NOX4: variants seen among roughly 807,000 people sequenced by gnomAD.
The protein encoded by NOX4 is NADPH oxidase 4, also known as kidney oxidase-1.
A neutral mutation model predicts 87.6 loss-of-function variants in NOX4; 69 were observed. That is an observed-to-expected ratio of 0.79 (90% CI 0.65 to 0.96). The LOEUF (loss-of-function observed/expected upper bound fraction) is 0.96. Among genes scored for constraint, NOX4 ranks in the 40% least tolerant of loss-of-function variants. NOX4 has a pLI of 0.00. For synonymous variants in NOX4, 275 were observed against 238.2 expected, an observed-to-expected ratio of 1.15 and a Z score of -1.42; for missense variants, 680 against 681.5, an observed-to-expected ratio of 1.00 and a Z score of 0.02.
At chr11:89,338,260 G>A (rs1230991545) in intron 15 of NOX4, among the ~76,000 whole-genome samples, 4 of 151,992 alleles carry the variant, frequency 2.6e-5, no homozygotes, top group African/African-American at 7.2e-5. Context: ...TTTTGCTTTC[G>A]TGTCTGGCAT....
At chr11:89,362,770 C>A (rs1256267882) in intron 12 of NOX4, among the ~76,000 whole-genome samples, 1 of 151,918 alleles carries the variant, frequency 6.6e-6, no homozygotes. Context: ...ATCCCCTCCT[C>A]CACCTACCAA....
chr11:89,435,271 AG>A (rs1246823052), intron 6 of NOX4, among the ~76,000 whole-genome samples: 1 of 152,082 alleles, frequency 6.6e-6, no homozygotes, highest in East Asian at 1.9e-4. Context: ...TTATAGTTAG[AG>A]GGGCCTTTCC....
At chr11:89,464,105 C>T (rs1225281332) in intron 2 of NOX4, among the ~76,000 whole-genome samples, 1 of 151,966 alleles carries the variant, frequency 6.6e-6, no homozygotes, top group Non-Finnish European at 1.5e-5. Context: ...AGATTCAATG[C>T]TTTAAAGAAA....
intron 7 of NOX4, among the ~76,000 whole-genome samples, chr11:89,427,109 C>T (rs1943463827): frequency 6.6e-6 from 1 of 152,164 alleles, no homozygotes. Flanking sequence ...CCCAGGCAAA[C>T]AGCATCTGGA....
chr11:89,451,696 G>A, intron 3 of NOX4, 89 bp downstream of exon 3: 6 of 866,876 alleles, frequency 6.9e-6, no homozygotes, highest in South Asian at 5.7e-5. Flanking sequence ...CCAGTCAAAA[G>A]TCAGACTATG....
chr11:89,518,841 T>A, the NOX4 span, among the ~76,000 whole-genome samples: 2 of 152,090 alleles, frequency 1.3e-5, no homozygotes, highest in African/African-American at 2.4e-5. Flanking sequence ...ACTCTATTTT[T>A]AAAAATTTCT....
intron 2 of NOX4, among the ~76,000 whole-genome samples, chr11:89,475,604 T>G (rs530464984): frequency 6.6e-6 from 1 of 152,150 alleles, no homozygotes; most frequent in East Asian, 1.9e-4. Context: ...TAACTGAGGA[T>G]ATATTAACGT....
chr11:89,479,147 C>A (rs1223768314), intron 2 of NOX4, among the ~76,000 whole-genome samples: 1 of 152,166 alleles, frequency 6.6e-6, no homozygotes, highest in African/African-American at 2.4e-5. Flanking sequence ...GATCTTCACC[C>A]TCCTTGAAGT....
chr11:89,453,418 T>C (rs1945053764), intron 2 of NOX4, among the ~76,000 whole-genome samples: 1 of 152,208 alleles, frequency 6.6e-6, no homozygotes, highest in African/African-American at 2.4e-5. Context: ...GATTCATATA[T>C]TTGACTCTGT....
At chr11:89,426,356 G>C (rs1943407460) in intron 7 of NOX4, among the ~76,000 whole-genome samples, 1 of 152,004 alleles carries the variant, frequency 6.6e-6, no homozygotes, top group South Asian at 2.1e-4. Context: ...ATCTCACTAG[G>C]GCTTGTCAGA....
chr11:89,433,112 T>G (rs113837479), intron 6 of NOX4, among the ~76,000 whole-genome samples: 1 of 152,104 alleles, frequency 6.6e-6, no homozygotes, highest in East Asian at 1.9e-4. Flanking sequence ...GTAAAAGTGA[T>G]CAGATCAGAG....
intron 13 of NOX4, among the ~76,000 whole-genome samples, chr11:89,350,950 C>T (rs937781300): frequency 6.6e-6 from 1 of 152,158 alleles, no homozygotes; most frequent in Non-Finnish European, 1.5e-5. Context: ...AGTTGCATGT[C>T]TCTTACTTCA....
chr11:89,471,671 T>G (rs960700378), intron 2 of NOX4, among the ~76,000 whole-genome samples: 2 of 152,168 alleles, frequency 1.3e-5, no homozygotes, highest in Admixed American at 1.3e-4. Flanking sequence ...GAATAAAAAA[T>G]GACATTTCAG....
chr11:89,481,187 A>G (rs537251103), intron 2 of NOX4, among the ~76,000 whole-genome samples: 120 of 152,154 alleles, frequency 7.9e-4, no homozygotes, highest in Non-Finnish European at 1.3e-3. Context: ...TCATATGCTC[A>G]GCATCTGTAT....
At chr11:89,417,621 ATTAC>A (rs1167175390) in intron 8 of NOX4, among the ~76,000 whole-genome samples, 1 of 152,100 alleles carries the variant, frequency 6.6e-6, no homozygotes, top group Non-Finnish European at 1.5e-5. Context: ...TGTTCATCAA[ATTAC>A]TTTGTTGATA....
chr11:89,578,829 AT>A, the NOX4 span, among the ~76,000 whole-genome samples: 1 of 152,226 alleles, frequency 6.6e-6, no homozygotes, highest in South Asian at 2.1e-4. Flanking sequence ...TTGAAAAACT[AT>A]GCCCATACAA....
chr11:89,511,730 A>G, the NOX4 span, among the ~76,000 whole-genome samples: 25 of 138,396 alleles, frequency 1.8e-4, no homozygotes, highest in Non-Finnish European at 3.7e-4. Context: ...GTTTAGAATC[A>G]CTTAAATTAT....
the NOX4 span, among the ~76,000 whole-genome samples, chr11:89,577,888 T>C: frequency 6.6e-6 from 1 of 152,140 alleles, no homozygotes; most frequent in African/African-American, 2.4e-5. Flanking sequence ...CTCTGAGAAT[T>C]GAGGAGTGTG....
At chr11:89,529,577 C>G in the NOX4 span, among the ~76,000 whole-genome samples, 4 of 152,178 alleles carry the variant, frequency 2.6e-5, no homozygotes, top group African/African-American at 9.7e-5. Context: ...GGATAGTTTA[C>G]TTGATTTTTA....
Sources: gnomAD v4.1 joint callset for allele counts (sites outside exome capture counted in the v4.1 genomes callset) on GRCh38, gnomAD v4.1.1 for gene constraint, MANE v1.5 for transcripts, NCBI Gene and HGNC (gene_info 2026-07-23, HGNC 2026-07-21) for gene names.